The following MIPOL1 variants were observed in gnomAD, a reference collection of about 807,000 sequenced individuals.
MIPOL1 encodes mirror-image polydactyly gene 1 protein.
A neutral mutation model predicts 60.9 loss-of-function variants in MIPOL1; 57 were observed. The ratio of observed to expected loss-of-function variants is 0.94; its 90% confidence interval spans 0.76 to 1.17. The LOEUF is 1.17. Ranked by LOEUF, MIPOL1 falls within the 50% of genes most tolerant of loss-of-function variation. MIPOL1 has a pLI of 0.00. For synonymous variants in MIPOL1, 179 were observed against 168.8 expected (o/e 1.06, Z -0.47); for missense variants, 551 against 511.6 (o/e 1.08, Z -0.74).
At chr14:37,299,369 A>G (rs1002153187) in intron 7 of MIPOL1, among the ~76,000 whole-genome samples, 22 of 152,218 alleles carry the variant, frequency 1.4e-4, no homozygotes, top group African/African-American at 5.1e-4. Context: ...CAGCACACCA[A>G]CATGGCACAT....
At position 37,387,402 on chromosome 14, in the gene MIPOL1, T is replaced by C. The variant is rs1161684149; in HGVS notation, c.936+17778T>C. On this transcript the variant is annotated intron_variant, in intron 10 of 12. Coordinates refer to ENST00000684589, the MANE Select transcript of MIPOL1 (RefSeq NM_001388067.1). ...ACAACTACTAAGGAAACAATAATTT[T>C]ATTTCAAGTGTTCCATTTTCATTAT... Among the ~76,000 whole-genome samples the C allele has an allele frequency of 5.9e-5, 9 of 152,092 alleles. No homozygotes were observed. The East Asian group carries it at 1.7e-3, about 29-fold the overall frequency.
At chr14:37,334,396 A>G (rs1009567640) in intron 9 of MIPOL1, among the ~76,000 whole-genome samples, 3 of 152,056 alleles carry the variant, frequency 2.0e-5, no homozygotes, top group Admixed American at 1.3e-4. Context: ...CCCTAAAACT[A>G]TAAGGGACAG....
chr14:37,446,516 C>T (rs534796433), intron 11 of MIPOL1, among the ~76,000 whole-genome samples: 16 of 152,110 alleles, frequency 1.1e-4, no homozygotes, highest in East Asian at 5.8e-4. Flanking sequence ...GTCAGTGTGG[C>T]GATTCCTCAG....
chr14:37,367,326 A>G (rs766044709), intron 9 of MIPOL1, among the ~76,000 whole-genome samples: 1 of 152,120 alleles, frequency 6.6e-6, no homozygotes, highest in East Asian at 1.9e-4. Flanking sequence ...ATAGGATTAC[A>G]TAAATTTAAA....
intron 1 of MIPOL1, among the ~76,000 whole-genome samples, chr14:37,212,913 G>A (rs1345552685): frequency 6.6e-6 from 1 of 152,154 alleles, no homozygotes; most frequent in Non-Finnish European, 1.5e-5. Flanking sequence ...TAAGGGAAGA[G>A]AATAAGAATC....
At chr14:37,468,227 A>C (rs2094628438) in intron 11 of MIPOL1, among the ~76,000 whole-genome samples, 1 of 151,812 alleles carries the variant, frequency 6.6e-6, no homozygotes, top group African/African-American at 2.4e-5. Flanking sequence ...TTATTGAATA[A>C]ATGCCGCTTT....
chr14:37,322,879 C>G (rs2088752324), intron 9 of MIPOL1, among the ~76,000 whole-genome samples: 1 of 152,000 alleles, frequency 6.6e-6, no homozygotes, highest in African/African-American at 2.4e-5. Flanking sequence ...AATATTAGAC[C>G]TTTGTCAGAT....
At chr14:37,461,267 G>A (rs1284704410) in intron 11 of MIPOL1, among the ~76,000 whole-genome samples, 2 of 152,174 alleles carry the variant, frequency 1.3e-5, no homozygotes, top group African/African-American at 4.8e-5. Context: ...CATGGCAGAA[G>A]GCAAGGAGGA....
chr14:37,343,920 T>G (rs1184500996), intron 9 of MIPOL1, among the ~76,000 whole-genome samples: 1 of 152,140 alleles, frequency 6.6e-6, no homozygotes, highest in East Asian at 1.9e-4. Context: ...GCTGGTATCA[T>G]GAATCCTTAT....
At chr14:37,212,862 A>G (rs1044955127) in intron 1 of MIPOL1, among the ~76,000 whole-genome samples, 3 of 152,188 alleles carry the variant, frequency 2.0e-5, no homozygotes, top group South Asian at 2.1e-4. Flanking sequence ...TTTACGTGTC[A>G]TAGAACAGAG....
At chr14:37,481,821 G>T (rs955877039) in intron 11 of MIPOL1, among the ~76,000 whole-genome samples, 1 of 152,040 alleles carries the variant, frequency 6.6e-6, no homozygotes, top group African/African-American at 2.4e-5. Flanking sequence ...AATGTGCCAA[G>T]AATACACAAT....
chr14:37,520,195 AT>A (rs2095402968), intron 12 of MIPOL1, among the ~76,000 whole-genome samples: 1 of 152,100 alleles, frequency 6.6e-6, no homozygotes, highest in Non-Finnish European at 1.5e-5. Context: ...TTGAAGTTGC[AT>A]TGATATATTA....
In MIPOL1 at chr14:37,285,352, A is replaced by G. The variant is rs1457804624; in HGVS notation, c.528A>G (p.Glu176=). 4 of 1,614,028 alleles carry G rather than the reference A, an allele frequency of 2.5e-6. No individual in the cohort carries two copies. Among genetic ancestry groups the G allele is most frequent in the African/African-American group, 2.7e-5 (2 of 75,014 alleles). Reference sequence around the variant, plus strand: ...AAGAAGTGTATTTTGCGCAGAAGGAACGTGATGAAGCTGTTATGTCTAGAC... The same window carrying G: ...AAGAAGTGTATTTTGCGCAGAAGGAGCGTGATGAAGCTGTTATGTCTAGAC... ...LVEEVYFAQK[E]RDEAVMSRLQ... is the part of the protein sequence containing the mutation. Residue 176 remains glutamate, a synonymous_variant, in exon 7 of 13, where the codon GAA becomes GAG. Coordinates refer to ENST00000684589, the MANE Select transcript of MIPOL1 (RefSeq NM_001388067.1).
intron 12 of MIPOL1, among the ~76,000 whole-genome samples, chr14:37,525,666 A>G (rs147408319): frequency 5.2e-4 from 79 of 152,338 alleles, no homozygotes; most frequent in African/African-American, 1.7e-3. Context: ...AATCAAACAC[A>G]TGAATGTTTC....
chr14:37,316,047 G>A (rs954857449), intron 9 of MIPOL1, among the ~76,000 whole-genome samples: 2 of 147,162 alleles, frequency 1.4e-5, no homozygotes, highest in African/African-American at 5.0e-5. Flanking sequence ...TTTTTTTTGA[G>A]ACCGAATCTT....
intron 9 of MIPOL1, among the ~76,000 whole-genome samples, chr14:37,351,537 C>T (rs77678586): frequency 1.1e-3 from 164 of 148,532 alleles, no homozygotes; most frequent in Middle Eastern, 3.4e-3. Flanking sequence ...AGTGTAAAAG[C>T]GTTCCTATTT....
At chr14:37,232,871 G>A (rs1970851743) in intron 1 of MIPOL1, among the ~76,000 whole-genome samples, 1 of 152,112 alleles carries the variant, frequency 6.6e-6, no homozygotes, top group Non-Finnish European at 1.5e-5. Flanking sequence ...TGCTGCCAAG[G>A]CAGAAAGATT....
At chr14:37,409,740 C>T (rs562729927) in intron 10 of MIPOL1, among the ~76,000 whole-genome samples, 16 of 152,100 alleles carry the variant, frequency 1.1e-4, no homozygotes, top group Non-Finnish European at 2.2e-4. Flanking sequence ...GAGCCGAGAT[C>T]GCATTACTGC....
At chr14:37,278,380 A>C (rs934768413) in intron 6 of MIPOL1, 2 of 151,712 alleles carry the variant, frequency 1.3e-5, no homozygotes, top group Admixed American at 1.3e-4. Context: ...AATTGTTCTC[A>C]TATTTGCAAG....
Sources: allele counts gnomAD v4.1 joint callset (sites outside exome capture counted in the v4.1 genomes callset), GRCh38; gene constraint gnomAD v4.1.1; transcripts MANE v1.5; gene names NCBI Gene and HGNC (gene_info 2026-07-23, HGNC 2026-07-21).